LDLRAD4: variants seen among roughly 807,000 people sequenced by gnomAD.
The protein encoded by LDLRAD4 is low-density lipoprotein receptor class A domain-containing protein 4.
Under a neutral mutation model 17.0 loss-of-function variants are expected in LDLRAD4, and 5 were observed. That is an observed-to-expected ratio of 0.29 (90% CI 0.15 to 0.62). LDLRAD4 has a LOEUF of 0.62. Ranked by LOEUF, LDLRAD4 falls within the 20% of genes least tolerant of loss-of-function variation. The probability of loss-of-function intolerance (pLI) is 0.84; values close to 1 mark genes in which losing one functional copy is unlikely to be tolerated. For synonymous variants in LDLRAD4, 168 were observed against 171.8 expected (o/e 0.98, Z 0.17); for missense variants, 340 against 424.7 (o/e 0.80, Z 1.75).
exon 6 of LDLRAD4, chr18:13,647,197 C>G (rs537742176): frequency 1.3e-5 from 2 of 152,220 alleles, no homozygotes; most frequent in Non-Finnish European, 2.9e-5. Flanking sequence ...TAAAATGCAA[C>G]TAGAAAACTA....
chr18:13,568,317 C>A (rs908161591), intron 3 of LDLRAD4, among the ~76,000 whole-genome samples: 1 of 150,600 alleles, frequency 6.6e-6, no homozygotes, highest in Non-Finnish European at 1.5e-5. Flanking sequence ...AAGAAAAAAA[C>A]AAGTTTGCAG....
In LDLRAD4 at chr18:13,534,659, G is replaced by A. The variant is rs139413692; in HGVS notation, c.182-86458G>A. Among the ~76,000 whole-genome samples, 356 of 152,280 alleles carry A rather than the reference G, an allele frequency of 2.3e-3. 1 individual carries two copies. The highest frequency in any genetic ancestry group is 8.2e-3 in the African/African-American group (340 of 41,566). On this transcript the variant is annotated intron_variant, in intron 3 of 5. Coordinates refer to ENST00000359446, the Ensembl canonical transcript of LDLRAD4. Reference sequence around the variant, plus strand: ...TCATGTTTGATATTTGCTATCTATTGTGGGACATCTTTTTGTATGCTTTGC... The same window carrying A: ...TCATGTTTGATATTTGCTATCTATTATGGGACATCTTTTTGTATGCTTTGC...
intron 3 of LDLRAD4, among the ~76,000 whole-genome samples, chr18:13,483,865 TATGAAGGTCTCTCTCCTCTCA>T (rs2093156545): frequency 1.3e-5 from 2 of 152,158 alleles, no homozygotes; most frequent in Admixed American, 1.3e-4. Context: ...TTCCTGGTCC[TATGAAGGTCTCTCTCCTCTCA>T]GTAGCAGGCC....
At chr18:13,451,291 T>G (rs916711850) in intron 3 of LDLRAD4, among the ~76,000 whole-genome samples, 3 of 151,530 alleles carry the variant, frequency 2.0e-5, no homozygotes. Flanking sequence ...AGGCGGGAGG[T>G]GTTTGGGTCA....
intron 3 of LDLRAD4, among the ~76,000 whole-genome samples, chr18:13,548,174 C>G (rs773210413): frequency 6.6e-6 from 1 of 152,124 alleles, no homozygotes; most frequent in African/African-American, 2.4e-5. Context: ...CTGGCTGAGT[C>G]TGGGGGGTTT....
chr18:13,417,581 C>T (rs1041063630), intron 2 of LDLRAD4, among the ~76,000 whole-genome samples: 4 of 152,130 alleles, frequency 2.6e-5, no homozygotes, highest in African/African-American at 9.6e-5. Context: ...TACAGGCGCC[C>T]GCCACCACAC....
chr18:13,410,182 G>A (rs61632760), intron 2 of LDLRAD4, among the ~76,000 whole-genome samples: 6,408 of 152,006 alleles, frequency 0.042, 277 homozygotes, highest in East Asian at 0.13. Context: ...GACATGGCAT[G>A]GGGGGCGCTA....
chr18:13,451,215 G>C (rs1459763147), intron 3 of LDLRAD4, among the ~76,000 whole-genome samples: 1 of 152,184 alleles, frequency 6.6e-6, no homozygotes, highest in Non-Finnish European at 1.5e-5. Context: ...ACTGTGATAT[G>C]GTTTGGCTAT....
At chr18:13,237,802 T>C (rs1012314921) in intron 1 of LDLRAD4, among the ~76,000 whole-genome samples, 2 of 152,196 alleles carry the variant, frequency 1.3e-5, no homozygotes, top group African/African-American at 4.8e-5. Context: ...ACCCATGTAA[T>C]TCATTTATGA....
At chr18:13,381,117 G>A (rs1445678041) in intron 1 of LDLRAD4, among the ~76,000 whole-genome samples, 1 of 118,056 alleles carries the variant, frequency 8.5e-6, no homozygotes, top group Non-Finnish European at 1.7e-5. Context: ...TTGCTATGTT[G>A]CCCAGGCTGG....
chr18:13,247,361 C>T (rs577744081), intron 1 of LDLRAD4, among the ~76,000 whole-genome samples: 5 of 152,132 alleles, frequency 3.3e-5, no homozygotes, highest in Non-Finnish European at 5.9e-5. Flanking sequence ...AAGAAATTAA[C>T]GTTGGTAGAA....
At chr18:13,641,205 G>A (rs143873409) in intron 4 of LDLRAD4, among the ~76,000 whole-genome samples, 2 of 152,338 alleles carry the variant, frequency 1.3e-5, no homozygotes, top group African/African-American at 4.8e-5. Context: ...TTAGCAGGCT[G>A]AGGCAGGATC....
chr18:13,446,358 C>A (rs16940557), intron 3 of LDLRAD4, among the ~76,000 whole-genome samples: 1 of 152,138 alleles, frequency 6.6e-6, no homozygotes, highest in Non-Finnish European at 1.5e-5. Flanking sequence ...CTCATCAGTT[C>A]TTAAAAGGCT....
chr18:13,352,556 G>A (rs977907773), intron 1 of LDLRAD4, among the ~76,000 whole-genome samples: 12 of 151,934 alleles, frequency 7.9e-5, no homozygotes, highest in African/African-American at 2.9e-4. Context: ...AATATGTCTT[G>A]GTGTGGGTCT....
At chr18:13,294,977 A>G (rs1442443577) in intron 1 of LDLRAD4, among the ~76,000 whole-genome samples, 1 of 152,132 alleles carries the variant, frequency 6.6e-6, no homozygotes, top group Non-Finnish European at 1.5e-5. Flanking sequence ...TTTTAGGCAT[A>G]TGCACAAGGA....
chr18:13,396,948 G>A (rs1182565530), intron 2 of LDLRAD4, among the ~76,000 whole-genome samples: 1 of 152,146 alleles, frequency 6.6e-6, no homozygotes, highest in Non-Finnish European at 1.5e-5. Context: ...ATGCCATATT[G>A]TATTTTAAAG....
At chr18:13,519,912 C>T (rs1422230924) in intron 3 of LDLRAD4, 4 of 152,152 alleles carry the variant, frequency 2.6e-5, no homozygotes, top group Non-Finnish European at 2.9e-5. Flanking sequence ...TAACTAAGTC[C>T]TGTTGCCTCA....
chr18:13,382,759 CCTTCTCT>C (rs2085478189), intron 1 of LDLRAD4: 1 of 152,246 alleles, frequency 6.6e-6, no homozygotes, highest in Admixed American at 6.5e-5. Flanking sequence ...TCCCCCCTCT[CCTTCTCT>C]CTTGATTTAA....
At chr18:13,627,191 G>T (rs1601799950) in intron 4 of LDLRAD4, among the ~76,000 whole-genome samples, 1 of 152,274 alleles carries the variant, frequency 6.6e-6, no homozygotes, top group East Asian at 1.9e-4. Flanking sequence ...GAATCTGGAG[G>T]CAGAGGTTGC....
Sources: allele counts gnomAD v4.1 joint callset (sites outside exome capture counted in the v4.1 genomes callset), GRCh38; gene constraint gnomAD v4.1.1; transcripts MANE v1.5; gene names NCBI Gene and HGNC (gene_info 2026-07-23, HGNC 2026-07-21).